ZNF267: variants seen among roughly 807,000 people sequenced by gnomAD.
The protein encoded by ZNF267 is zinc finger (C2H2).
A neutral mutation model predicts 71.6 loss-of-function variants in ZNF267; 61 were observed. That is an observed-to-expected ratio of 0.85 (90% CI 0.69 to 1.05). The LOEUF is 1.05. Ranked by LOEUF, ZNF267 falls within the 50% of genes least tolerant of loss-of-function variation. The probability of loss-of-function intolerance (pLI) is 0.00; values close to 1 mark genes in which losing one functional copy is unlikely to be tolerated. For synonymous variants in ZNF267, 288 were observed against 293.2 expected, an observed-to-expected ratio of 0.98 and a Z score of 0.18; for missense variants, 852 against 870.0, an observed-to-expected ratio of 0.98 and a Z score of 0.26.
Position 31,896,065 on chromosome 16 carries a change from G to A in ZNF267, c.226+10809G>A, listed in dbSNP as rs1438875233. 2.6e-5 allele frequency among the ~76,000 whole-genome samples: 4 copies of A among 152,194 alleles called. No homozygotes were observed. In the East Asian group the frequency reaches 7.7e-4, roughly 29 times the overall value. On this transcript the variant is annotated intron_variant, in intron 3 of 3. Transcript: ENST00000300870. Reference sequence around the variant, plus strand: ...CTCACTCTGTCACCCAGGTTAGAGTGAAGTAGCATGATCATAGCTCACTGC... The same window carrying A: ...CTCACTCTGTCACCCAGGTTAGAGTAAAGTAGCATGATCATAGCTCACTGC...
rs757620592 is a variant in ZNF267 at position 31,915,551 on chromosome 16, A to G, written c.1302A>G (p.Lys434=). ...ATAAGCGAATTCATACTGGAGAGAAACCTTATAAATGTAAAGAATGTGGAA... is the reference window on the plus strand; with the variant it reads ...ATAAGCGAATTCATACTGGAGAGAAGCCTTATAAATGTAAAGAATGTGGAA... The part of the protein sequence containing the change: ...TKHKRIHTGE[K]PYKCKECGKA... The change falls in exon 4 of 4, where the codon AAA becomes AAG. Residue 434 remains lysine (K), a synonymous_variant. Coordinates refer to ENST00000300870, the MANE Select transcript of ZNF267 (RefSeq NM_003414.6). 44 of 1,612,960 alleles carry G rather than the reference A, an allele frequency of 2.7e-5. 1 individual carries two copies. The highest frequency in any genetic ancestry group is 2.5e-5 in the Non-Finnish European group (30 of 1,179,808).
chr16:31,914,612 G>A lies in ZNF267; in HGVS notation c.363G>A (p.Glu121=), dbSNP rs752817473. 8 of 1,614,026 alleles carry A rather than the reference G, an allele frequency of 5.0e-6. No individual in the cohort carries two copies. Among genetic ancestry groups the A allele is most frequent in the Admixed American group, 3.3e-5 (2 of 59,998 alleles). The change falls in exon 4 of 4, where the codon GAG becomes GAA. Residue 121 remains glutamate (E), a synonymous_variant. Transcript: ENST00000300870. ...TAAGAAAAAGGTGGAAAAGGGAGGA[G>A]TGTGAAGGGCACAATGGATGTTATG... ...LHLRKRWKRE[E]CEGHNGCYDE... is the part of the protein sequence containing the mutation.
intron 3 of ZNF267, among the ~76,000 whole-genome samples, chr16:31,908,234 T>G (rs2142358510): frequency 6.6e-6 from 1 of 152,262 alleles, no homozygotes; most frequent in East Asian, 1.9e-4. Context: ...CTTGTGCCCA[T>G]TTTTGATTGG....
chr16:31,914,242 G>A, intron 3 of ZNF267: 2 of 447,756 alleles, frequency 4.5e-6, no homozygotes, highest in Non-Finnish European at 3.9e-6. Context: ...ATGCTGCTGA[G>A]GGGCAAGGGC....
chr16:31,875,695 C>G lies in ZNF267; in HGVS notation c.3+1726C>G, dbSNP rs186719165. 2.6e-5 allele frequency among the ~76,000 whole-genome samples: 4 copies of G among 152,244 alleles called. No homozygotes were observed. The East Asian group carries it at 7.7e-4, about 29-fold the overall frequency. On this transcript the variant is annotated intron_variant, in intron 1 of 3. Coordinates refer to ENST00000300870, the MANE Select transcript of ZNF267 (RefSeq NM_003414.6). The stretch of plus-strand genomic sequence containing the variant: ...GGTAGGAGAATGTCTCAAATGATAC[C>G]GTGACCTGACTTGACACTTGAGCCA...
chr16:31,891,719 G>A (rs920238147), intron 3 of ZNF267, among the ~76,000 whole-genome samples: 7 of 152,292 alleles, frequency 4.6e-5, no homozygotes, highest in Admixed American at 2.0e-4. Flanking sequence ...ATGATTGTGA[G>A]GCCTCCTCAG....
chr16:31,909,048 G>T (rs1267279626), intron 3 of ZNF267, among the ~76,000 whole-genome samples: 1 of 132,470 alleles, frequency 7.5e-6, no homozygotes, highest in Non-Finnish European at 1.6e-5. Flanking sequence ...CCAATCCATT[G>T]ACATGGGATA....
At position 31,905,945 on chromosome 16, in the gene ZNF267, C is replaced by T. The variant is rs187311455; in HGVS notation, c.227-8531C>T. Among the ~76,000 whole-genome samples, 12 of 152,244 alleles carry T rather than the reference C, an allele frequency of 7.9e-5. No individual in the cohort carries two copies. In the East Asian group the frequency reaches 1.5e-3, roughly 20 times the overall value. ...TACCTTTGGTCTTTGATGATGGTGA[C>T]GTACAGATGGGTTTTTGGTGTGGTT... On this transcript the variant is annotated intron_variant, in intron 3 of 3. Coordinates refer to ENST00000300870, the MANE Select transcript of ZNF267 (RefSeq NM_003414.6).
intron 3 of ZNF267, among the ~76,000 whole-genome samples, chr16:31,896,596 A>G (rs1414058322): frequency 6.6e-6 from 1 of 152,222 alleles, no homozygotes; most frequent in Non-Finnish European, 1.5e-5. Flanking sequence ...CTTTAGATGC[A>G]TGAATGCATT....
intron 3 of ZNF267, among the ~76,000 whole-genome samples, chr16:31,890,024 T>TTTTTTTA (rs1567474194): frequency 7.9e-5 from 12 of 152,220 alleles, no homozygotes; most frequent in African/African-American, 2.9e-4. Flanking sequence ...TAAAAAGACT[T>TTTTTTTA]GTTTTCTATT....
At chr16:31,897,832 C>T (rs1016472880) in intron 3 of ZNF267, among the ~76,000 whole-genome samples, 4 of 152,020 alleles carry the variant, frequency 2.6e-5, no homozygotes, top group Non-Finnish European at 5.9e-5. Flanking sequence ...AAAAATAATA[C>T]TTTGTGTGAT....
Position 31,878,942 on chromosome 16 carries a change from T to C in ZNF267, c.3+4973T>C, listed in dbSNP as rs187559499. Among the ~76,000 whole-genome samples the C allele has an allele frequency of 2.4e-4, 36 of 152,266 alleles. No individual in the cohort carries two copies. The East Asian group carries it at 5.4e-3, about 23-fold the overall frequency. The stretch of plus-strand genomic sequence containing the variant: ...TCTTGAAAATAAGGAAAGAAATTTT[T>C]CTTTTTTTTTTTCTTAAAGCATTTA... On this transcript the variant is annotated intron_variant, in intron 1 of 3. Coordinates refer to ENST00000300870, the MANE Select transcript of ZNF267 (RefSeq NM_003414.6).
chr16:31,885,465 C>T (rs115000810), intron 3 of ZNF267, among the ~76,000 whole-genome samples: 253 of 152,306 alleles, frequency 1.7e-3, no homozygotes, highest in African/African-American at 5.8e-3. Flanking sequence ...TTCTGTGATC[C>T]GCCATCATAT....
At chr16:31,881,670 C>CTTTTT (rs747627467) in intron 1 of ZNF267, among the ~76,000 whole-genome samples, 7 of 125,536 alleles carry the variant, frequency 5.6e-5, no homozygotes, top group African/African-American at 1.5e-4. Context: ...TTTTCTTCTT[C>CTTTTT]TTTTTTTTTT....
intron 1 of ZNF267, among the ~76,000 whole-genome samples, chr16:31,876,223 A>AT (rs1427729759): frequency 3.3e-5 from 5 of 151,762 alleles, no homozygotes; most frequent in Non-Finnish European, 5.9e-5. Context: ...TTTATTTTTT[A>AT]TTTTTTGTTT....
intron 3 of ZNF267, among the ~76,000 whole-genome samples, chr16:31,887,114 ATATCT>A: frequency 6.6e-6 from 1 of 152,282 alleles, no homozygotes; most frequent in African/African-American, 2.4e-5. Context: ...GTGTGAGATG[ATATCT>A]TATTATGGTT....
chr16:31,880,820 A>G (rs1209579531), intron 1 of ZNF267, among the ~76,000 whole-genome samples: 2 of 152,234 alleles, frequency 1.3e-5, no homozygotes, highest in African/African-American at 2.4e-5. Context: ...TCATACTGAT[A>G]GGTAAACCAA....
intron 3 of ZNF267, among the ~76,000 whole-genome samples, chr16:31,900,493 G>A (rs369614862): frequency 1.3e-5 from 2 of 152,198 alleles, no homozygotes; most frequent in East Asian, 3.9e-4. Context: ...CACCCAGGCT[G>A]GAGTGTGGTG....
At chr16:31,905,061 A>T (rs1370523426) in intron 3 of ZNF267, among the ~76,000 whole-genome samples, 1 of 152,086 alleles carries the variant, frequency 6.6e-6, no homozygotes, top group African/African-American at 2.4e-5. Flanking sequence ...GTTTGGCTGG[A>T]TATGAAATTC....
Sources: gnomAD v4.1 joint callset for allele counts (sites outside exome capture counted in the v4.1 genomes callset) on GRCh38, gnomAD v4.1.1 for gene constraint, MANE v1.5 for transcripts, NCBI Gene and HGNC (gene_info 2026-07-23, HGNC 2026-07-21) for gene names.